Variants in NID2 observed in about 807,000 individuals in gnomAD.
NID2 encodes nidogen-2.
A neutral mutation model predicts 145.4 loss-of-function variants in NID2; 83 were observed. The ratio of observed to expected loss-of-function variants is 0.57; its 90% CI spans 0.48 to 0.69. NID2 has a LOEUF of 0.69. NID2 is among the 30% of genes least tolerant of loss of function. The probability of loss-of-function intolerance (pLI) is 0.00; values close to 1 mark genes in which losing one functional copy is unlikely to be tolerated. For synonymous variants in NID2, 739 were observed against 701.3 expected (o/e 1.05, Z -0.85); for missense variants, 1,807 against 1,765.7 (o/e 1.02, Z -0.42).
intron 6 of NID2, 33 bp from the exon 7 acceptor site, chr14:52,042,383 G>T: frequency 6.3e-7 from 1 of 1,579,578 alleles, no homozygotes; most frequent in Non-Finnish European, 8.6e-7. Flanking sequence ...AGGCTTGGAC[G>T]TCATCCTGGC....
chr14:52,020,221 G>C (rs1182478602), intron 12 of NID2, 43 bp from the exon 13 acceptor site: 1 of 1,609,698 alleles, frequency 6.2e-7, no homozygotes, highest in South Asian at 1.1e-5. Context: ...AGAACACTAT[G>C]ACTTCACTCA....
intron 12 of NID2, among the ~76,000 whole-genome samples, chr14:52,026,016 A>C (rs1266268065): frequency 6.6e-6 from 1 of 152,240 alleles, no homozygotes; most frequent in Non-Finnish European, 1.5e-5. Flanking sequence ...TCTGTACAGC[A>C]CAAGTGGAAA....
In NID2 at chr14:52,030,589, A is replaced by AAGGAAGG. The variant is rs1566755757; in HGVS notation, c.2258-900_2258-899insCCTTCCT. Among the ~76,000 whole-genome samples the AAGGAAGG allele has an allele frequency of 1.7e-3, 71 of 41,346 alleles. 1 individual carries two copies. The highest frequency in any genetic ancestry group is 3.4e-3 in the South Asian group (2 of 590). The allele number at this position is 41,346 out of a possible 152,430, so 27.1% of individuals were successfully genotyped here. On this transcript the variant is annotated intron_variant, in intron 9 of 21. Transcript: ENST00000216286. ...GAAAGGAAGGAAGGGAAAGAAAGAAAGAAAGAAAGAAAGAAAGAGAAAGAA... is the reference window on the plus strand; with the variant it reads ...GAAAGGAAGGAAGGGAAAGAAAGAAAAGGAAGGGAAAGAAAGAAAGAAAGAGAAAGAA...
chr14:52,025,996 C>T lies in NID2; in HGVS notation c.2674+1205G>A, dbSNP rs553555130. Among the ~76,000 whole-genome samples, 5 of 152,334 alleles carry T rather than the reference C, an allele frequency of 3.3e-5. No individual in the cohort carries two copies. The South Asian group carries it at 1.0e-3, about 32-fold the overall frequency. ...GCATAAATTGTTCGAGAAAACCATG[C>T]AGCAGAGCTTCTGTACAGCACAAGT... On this transcript the variant is annotated intron_variant, in intron 12 of 21. Transcript: ENST00000216286.
chr14:52,066,989 A>T (rs1176963250), intron 2 of NID2, among the ~76,000 whole-genome samples: 1 of 152,214 alleles, frequency 6.6e-6, no homozygotes, highest in Non-Finnish European at 1.5e-5. Context: ...AGACTCCTAT[A>T]AACTAAGAAA....
chr14:52,034,505 T>C (rs1891987231), intron 9 of NID2, among the ~76,000 whole-genome samples: 1 of 152,238 alleles, frequency 6.6e-6, no homozygotes, highest in Non-Finnish European at 1.5e-5. Flanking sequence ...ATTTGCTACC[T>C]TACAATCCAA....
chr14:52,031,032 G>C (rs944265993), intron 9 of NID2, among the ~76,000 whole-genome samples: 1 of 152,196 alleles, frequency 6.6e-6, no homozygotes, highest in Middle Eastern at 3.2e-3. Flanking sequence ...GGGTTACACA[G>C]TCAGAAGAGG....
chr14:52,045,853 A>T (rs898905106), intron 5 of NID2, among the ~76,000 whole-genome samples: 2 of 151,582 alleles, frequency 1.3e-5, no homozygotes, highest in Admixed American at 1.3e-4. Context: ...AAGCTCTAGG[A>T]CTCAACCTCA....
At chr14:52,008,306 A>C (rs894858356) in intron 18 of NID2, 1 of 195,908 alleles carries the variant, frequency 5.1e-6, no homozygotes, top group African/African-American at 2.4e-5. Context: ...TTGGCCAGAG[A>C]CATTAGTCTT....
chr14:52,025,132 G>A (rs1282667519), intron 12 of NID2, among the ~76,000 whole-genome samples: 1 of 152,150 alleles, frequency 6.6e-6, no homozygotes, highest in Non-Finnish European at 1.5e-5. Context: ...CTTAGAGCTG[G>A]TACTAGGGTT....
chr14:52,048,842 G>A (rs550692364), intron 5 of NID2, among the ~76,000 whole-genome samples: 1 of 152,246 alleles, frequency 6.6e-6, no homozygotes, highest in South Asian at 2.1e-4. Flanking sequence ...GGAGTGAGGT[G>A]GCTTAAAAAT....
In NID2 at chr14:52,014,350, G is replaced by C; in HGVS notation, c.3357C>G (p.Gly1119=). The C allele has an allele frequency of 6.2e-7, 1 of 1,614,256 alleles. No individual in the cohort carries two copies. The highest frequency in any genetic ancestry group is 8.5e-7 in the Non-Finnish European group (1 of 1,180,046). Residue 1119 remains glycine, a synonymous_variant, in exon 16 of 22, where the codon GGC becomes GGG. Transcript: ENST00000216286. ...GCCTGGTGCCATTGAGGGGTAAGTA[G>C]CCAATCTGCTGGCCCTGAGTATAGA... The part of the protein sequence containing the change: ...FLLYTQGQQI[G]YLPLNGTRLQ...
At chr14:52,005,979 A>C (rs1890763460) in intron 20 of NID2, 130 bp from the exon 21 acceptor site, 5 of 667,282 alleles carry the variant, frequency 7.5e-6, no homozygotes, top group Non-Finnish European at 1.3e-5. Context: ...GCTGGTGCTA[A>C]AGCCATACTG....
chr14:52,014,763 G>C (rs908097137), intron 15 of NID2, among the ~76,000 whole-genome samples: 1 of 151,842 alleles, frequency 6.6e-6, no homozygotes, highest in African/African-American at 2.4e-5. Flanking sequence ...TTCCTTTTAG[G>C]ACTCCAGAGT....
In NID2 at chr14:52,067,865, G is replaced by A. The variant is rs373982277; in HGVS notation, c.527C>T (p.Ser176Leu). Residue 176 changes from serine (S) to leucine (L), a missense_variant, in exon 2 of 22, where the codon TCG becomes TTG. By Grantham distance (145) the Ser-to-Leu change is moderately radical (BLOSUM62 -2). Coordinates refer to ENST00000216286, the MANE Select transcript of NID2 (RefSeq NM_007361.4). ...ATATCCCTGGTCACTTACCTCTCCC[G>A]AGGGCAGCGCCCCGCGCTTGACCTC... ...YEEVKRGALP[S>L]GELNTFQAVL... 3.1e-6 allele frequency: 5 copies of A among 1,611,610 alleles called. No individual in the cohort carries two copies. Among genetic ancestry groups the A allele is most frequent in the Non-Finnish European group, 4.2e-6 (5 of 1,179,938 alleles).
rs750102698 is a variant in NID2 at position 52,015,050 on chromosome 14, T to C, written c.3250+4A>G. The C allele has an allele frequency of 6.2e-7, 1 of 1,611,708 alleles. No individual in the cohort carries two copies. Among genetic ancestry groups the C allele is most frequent in the Non-Finnish European group, 8.5e-7 (1 of 1,178,826 alleles). ...GAGGGGAGCGGGGGCGGCCAGGTGC[T>C]TACACGCAGGGGTGGTGCCTGGCTG... On this transcript the variant is annotated splice_donor_region_variant and intron_variant, in intron 15 of 21. Coordinates refer to ENST00000216286, the MANE Select transcript of NID2 (RefSeq NM_007361.4).
intron 2 of NID2, among the ~76,000 whole-genome samples, chr14:52,063,196 G>A (rs1893069042): frequency 6.6e-6 from 1 of 152,170 alleles, no homozygotes; most frequent in East Asian, 1.9e-4. Context: ...CACATTCCTA[G>A]ATACAAGCTT....
chr14:52,026,969 A>G (rs932018972), intron 12 of NID2, among the ~76,000 whole-genome samples: 8 of 152,230 alleles, frequency 5.3e-5, no homozygotes, highest in Admixed American at 1.3e-4. Flanking sequence ...CCCGAGTGCT[A>G]CAGGAACGTC....
intron 9 of NID2, among the ~76,000 whole-genome samples, chr14:52,033,569 A>G: frequency 6.6e-6 from 1 of 151,642 alleles, no homozygotes; most frequent in East Asian, 1.9e-4. Flanking sequence ...GTCGCACCAC[A>G]CCCACATCAG....
Sources: allele counts gnomAD v4.1 joint callset (sites outside exome capture counted in the v4.1 genomes callset), GRCh38; gene constraint gnomAD v4.1.1; transcripts MANE v1.5; gene names NCBI Gene and HGNC (gene_info 2026-07-23, HGNC 2026-07-21).